PAX6: variants seen among roughly 807,000 people sequenced by gnomAD.
PAX6 encodes the protein paired box protein Pax-6.
A neutral mutation model predicts 60.7 loss-of-function variants in PAX6; 7 were observed. The observed-to-expected ratio is 0.12, with a 90% CI of 0.07 to 0.22. The LOEUF is 0.22. Among genes scored for constraint, PAX6 ranks in the 10% least tolerant of loss-of-function variants. The pLI is 1.00. For synonymous variants in PAX6, 208 were observed against 201.2 expected, an observed-to-expected ratio of 1.03 and a Z score of -0.29; for missense variants, 355 against 555.2, an observed-to-expected ratio of 0.64 and a Z score of 3.62.
upstream of PAX6, among the ~76,000 whole-genome samples, chr11:31,815,771 CAAA>C (rs5790868): frequency 2.2e-5 from 3 of 137,768 alleles, no homozygotes; most frequent in Admixed American, 7.2e-5. Context: ...GCGCTATCTC[CAAA>C]AAAAAAAAAA....
At chr11:31,801,161 T>C in intron 7 of PAX6, 1 of 1,135,588 alleles carries the variant, frequency 8.8e-7, no homozygotes, top group South Asian at 1.6e-5. Context: ...ATAAAAACTA[T>C]TTAGACTTGT....
At position 31,811,319 on chromosome 11, in the gene PAX6, A is replaced by T. The variant is rs966063253; in HGVS notation, c.-521T>A. 5 of 398,328 alleles carry T rather than the reference A, an allele frequency of 1.3e-5. No homozygotes were observed. Among genetic ancestry groups the T allele is most frequent in the African/African-American group, 2.1e-5 (1 of 48,664 alleles). The allele number at this position is 398,328 out of a possible 1,614,324, so 24.7% of individuals were successfully genotyped here. A position where few individuals can be genotyped will look rare whatever the true frequency, so the allele number is the denominator to read the frequency against. On this transcript the variant is annotated 5_prime_UTR_variant, in exon 1 of 14. The change abolishes an upstream ATG in the 5' untranslated region. Transcript: ENST00000640368. ...TCAAACCCACTAATCACTCCGCAAC[A>T]TGCAAATGCACCGCTCGCTCTCACA...
At chr11:31,795,582 CACTA>C (rs1375521552) in intron 8 of PAX6, among the ~76,000 whole-genome samples, 1 of 152,226 alleles carries the variant, frequency 6.6e-6, no homozygotes, top group Admixed American at 6.5e-5. Flanking sequence ...GTAGAGAGTT[CACTA>C]ACTAGCTAAA....
At chr11:31,811,369 G>A, upstream of PAX6, 1 of 398,236 alleles carries the variant, frequency 2.5e-6, no homozygotes, top group Non-Finnish European at 4.4e-6. Context: ...ATGCAAAGCA[G>A]CGCCGGGGCC....
chr11:31,815,020 CTCTCTCTCTT>C (rs1441621351), upstream of PAX6: 3 of 151,538 alleles, frequency 2.0e-5, no homozygotes, highest in Non-Finnish European at 2.9e-5. Flanking sequence ...CTCTCTCTCT[CTCTCTCTCTT>C]TCTCTCTCTG....
chr11:31,802,328 G>A (rs917650355), intron 5 of PAX6: 20 of 319,774 alleles, frequency 6.3e-5, no homozygotes, highest in African/African-American at 4.3e-4. Context: ...GCTGAGGTAA[G>A]CATGGGCTGG....
chr11:31,789,544 C>T lies in PAX6; in HGVS notation c.*390G>A, dbSNP rs1245031287. On this transcript the variant is annotated 3_prime_UTR_variant, in exon 14 of 14. Coordinates refer to ENST00000640368, the MANE Select transcript of PAX6 (RefSeq NM_001368894.2). ...TATATCTTGATAAAACTCTTAAATT[C>T]GTGGCAAAGCTTGTTGATCATGGTT... The T allele has an allele frequency of 3.2e-5, 19 of 598,094 alleles. No homozygotes were observed. The highest frequency in any genetic ancestry group is 1.9e-4 in the East Asian group (7 of 36,252). The allele number at this position is 598,094 out of a possible 1,614,324, so 37.0% of individuals were successfully genotyped here.
chr11:31,794,281 C>T (rs989894222), intron 9 of PAX6, 167 bp from the exon 10 acceptor site: 1 of 695,676 alleles, frequency 1.4e-6, no homozygotes, highest in Non-Finnish European at 2.6e-6. Context: ...CCCACCAGAA[C>T]CAAGTTAAAT....
At chr11:31,802,255 AT>A in intron 5 of PAX6, 1 of 351,698 alleles carries the variant, frequency 2.8e-6, no homozygotes, top group Non-Finnish European at 5.2e-6. Context: ...AGTAAATAGC[AT>A]TTGCCTTTTA....
chr11:31,816,760 C>A, intron 1 of PAX6: 1 of 644,060 alleles, frequency 1.6e-6, no homozygotes, highest in East Asian at 2.7e-5. Flanking sequence ...GACTGAGCTC[C>A]GAAGGTGCTC....
chr11:31,804,783 A>G (rs1273841539), intron 4 of PAX6: 1 of 152,276 alleles, frequency 6.6e-6, no homozygotes, highest in African/African-American at 2.4e-5. Context: ...GCTAATGCCA[A>G]GGCGGGCGCG....
chr11:31,802,086 G>T, intron 5 of PAX6, 174 bp from the exon 6 acceptor site: 1 of 621,508 alleles, frequency 1.6e-6, no homozygotes, highest in Non-Finnish European at 2.9e-6. Context: ...CTTAAACACT[G>T]CCTGAAGATG....
At chr11:31,816,055 T>C (rs977941987), upstream of PAX6, among the ~76,000 whole-genome samples, 3 of 152,094 alleles carry the variant, frequency 2.0e-5, no homozygotes, top group African/African-American at 7.2e-5. Context: ...GCAGCCCTCG[T>C]TCCCGGCCAG....
At chr11:31,790,325 C>T in intron 13 of PAX6, 3 of 686,384 alleles carry the variant, frequency 4.4e-6, no homozygotes, top group Non-Finnish European at 6.3e-6. Flanking sequence ...CTCTGGAAAA[C>T]CAATGTGTCA....
At chr11:31,793,847 C>G in intron 10 of PAX6, 45 bp from the exon 11 acceptor site, 2 of 1,612,488 alleles carry the variant, frequency 1.2e-6, no homozygotes, top group Non-Finnish European at 1.7e-6. Flanking sequence ...TACGTCGAGC[C>G]CAGCCCCACC....
rs888925481 is a variant in PAX6 at position 31,811,130 on chromosome 11, A to G, written c.-332T>C. The G allele has an allele frequency of 7.5e-6, 3 of 399,040 alleles. No individual in the cohort carries two copies. Among genetic ancestry groups the G allele is most frequent in the Non-Finnish European group, 1.3e-5 (3 of 226,178 alleles). The allele number at this position is 399,040 out of a possible 1,614,324, so 24.7% of individuals were successfully genotyped here. A position where few individuals can be genotyped will look rare whatever the true frequency, so the allele number is the denominator to read the frequency against. ...GCCAGCACACCTATGCTGATTGGTG[A>G]TGGCTCAAGTGTGTTAATGTGTGTG... On this transcript the variant is annotated 5_prime_UTR_variant, in exon 1 of 14. Coordinates refer to ENST00000640368, the MANE Select transcript of PAX6 (RefSeq NM_001368894.2).
At chr11:31,803,134 G>A in intron 4 of PAX6, 1 of 458,134 alleles carries the variant, frequency 2.2e-6, no homozygotes, top group South Asian at 2.1e-5. Context: ...CCTGCCCACT[G>A]TACTGCAGCA....
Position 31,794,746 on chromosome 11 carries a change from G to C in PAX6, c.608C>G (p.Ser203Cys), listed in dbSNP as rs868663041. Residue 203 changes from serine (S) to cysteine (C), a missense_variant, in exon 9 of 14, where the codon TCC becomes TGC. Transcript: ENST00000640368. Reference sequence around the variant, plus strand: ...TGAATCTTCTCCGTTGGAACTGATGGAGTTGGTATTCTCTCCCCCTCCTTC... The same window carrying C: ...TGAATCTTCTCCGTTGGAACTGATGCAGTTGGTATTCTCTCCCCCTCCTTC... ...QQEGGGENTN[S>C]ISSNGEDSDE... 1 of 1,614,136 alleles carries C rather than the reference G, an allele frequency of 6.2e-7. No homozygotes were observed. The highest frequency in any genetic ancestry group is 1.7e-4 in the Middle Eastern group (1 of 6,060).
upstream of PAX6, chr11:31,811,336 G>T (rs1592657250): frequency 1.3e-5 from 5 of 398,222 alleles, no homozygotes; most frequent in South Asian, 4.2e-4. Flanking sequence ...TGCACCGCTC[G>T]CTCTCACACA....
Sources: gnomAD v4.1 joint callset for allele counts (sites outside exome capture counted in the v4.1 genomes callset) on GRCh38, gnomAD v4.1.1 for gene constraint, MANE v1.5 for transcripts, NCBI Gene and HGNC (gene_info 2026-07-23, HGNC 2026-07-21) for gene names.